Variants in IRF6 observed in about 807,000 individuals in gnomAD.
IRF6 encodes Van der Woude syndrome.
A neutral mutation model predicts 51.4 loss-of-function variants in IRF6; 6 were observed. The ratio of observed to expected loss-of-function variants is 0.12; its 90% CI spans 0.06 to 0.23. The LOEUF is 0.23. Ranked by LOEUF, IRF6 falls within the 10% of genes least tolerant of loss-of-function variation. The pLI is 1.00. For missense variants in IRF6, 348 were observed against 585.2 expected, an observed-to-expected ratio of 0.59 and a Z score of 4.18; for synonymous variants, 178 against 215.7, an observed-to-expected ratio of 0.83 and a Z score of 1.53.
chr1:209,801,510 C>T lies in IRF6; in HGVS notation c.-3-94G>A, dbSNP rs1430768942. The T allele has an allele frequency of 7.1e-6, 7 of 983,928 alleles. No individual in the cohort carries two copies. In the Admixed American group the frequency reaches 1.2e-4, roughly 17 times the overall value. 60.9% of individuals were successfully genotyped at this position (983,928 alleles called of 1,614,324 possible). ...CCACCTTTCCCATCTACTAGAGCTA[C>T]AGTTTCACTAGATTACAGCAAAGAA... On this transcript the variant is annotated intron_variant, in intron 2 of 8. Coordinates refer to ENST00000367021, the MANE Select transcript of IRF6 (RefSeq NM_006147.4).
At chr1:209,799,463 A>T (rs534548240) in intron 3 of IRF6, among the ~76,000 whole-genome samples, 2 of 152,180 alleles carry the variant, frequency 1.3e-5, no homozygotes, top group Non-Finnish European at 2.9e-5. Context: ...GGACACAGAC[A>T]CCCATTTAAT....
intron 1 of IRF6, among the ~76,000 whole-genome samples, chr1:209,802,571 G>A (rs1193657920): frequency 3.3e-5 from 5 of 152,284 alleles, no homozygotes. Context: ...ACAAATATTT[G>A]TTCATCAGCT....
At chr1:209,793,604 G>A (rs2077882374) in intron 5 of IRF6, among the ~76,000 whole-genome samples, 1 of 152,184 alleles carries the variant, frequency 6.6e-6, no homozygotes, top group African/African-American at 2.4e-5. Flanking sequence ...GGATACATGT[G>A]CAGGTTTGTT....
intron 3 of IRF6, among the ~76,000 whole-genome samples, chr1:209,797,888 G>C (rs2077913918): frequency 6.6e-6 from 1 of 152,162 alleles, no homozygotes; most frequent in African/African-American, 2.4e-5. Flanking sequence ...GACAGCTCAA[G>C]ACAGGAAGCA....
Position 209,786,288 on chromosome 1 carries a change from C to CAT in IRF6, c.*2131_*2132insAT, listed in dbSNP as rs971960123. On this transcript the variant is annotated 3_prime_UTR_variant, in exon 9 of 9. Coordinates refer to ENST00000367021, the MANE Select transcript of IRF6 (RefSeq NM_006147.4). ...ACCGGGGTATCTAGTTAAGACCTCA[C>CAT]AAATCACTCATCCATTCCTCTGACA... 6.6e-6 allele frequency: 1 copy of CAT among 152,254 alleles called. No homozygotes were observed. Among genetic ancestry groups the CAT allele is most frequent in the African/African-American group, 2.4e-5 (1 of 41,470 alleles). The allele number at this position is 152,254 out of a possible 1,614,324, so 9.4% of individuals were successfully genotyped here.
At chr1:209,793,836 C>T (rs2077884267) in intron 5 of IRF6, among the ~76,000 whole-genome samples, 1 of 152,128 alleles carries the variant, frequency 6.6e-6, no homozygotes. Context: ...TTTTCTGTTC[C>T]TGTGTTTTAG....
chr1:209,791,381 A>T (rs1240540553), intron 6 of IRF6, among the ~76,000 whole-genome samples: 1 of 152,230 alleles, frequency 6.6e-6, no homozygotes, highest in African/African-American at 2.4e-5. Context: ...CACAGTTCAC[A>T]TCAAAGTTAA....
chr1:209,792,745 G>T, intron 5 of IRF6: 1 of 364,326 alleles, frequency 2.7e-6, no homozygotes, highest in Non-Finnish European at 5.1e-6. Flanking sequence ...TGTAAAATTT[G>T]GCCCCAGCAA....
chr1:209,793,768 T>A (rs2077883753), intron 5 of IRF6, among the ~76,000 whole-genome samples: 2 of 152,206 alleles, frequency 1.3e-5, no homozygotes, highest in Admixed American at 1.3e-4. Context: ...CCCTTCTTTG[T>A]GTCCATGTGT....
intron 1 of IRF6, among the ~76,000 whole-genome samples, chr1:209,803,023 C>T (rs1271921327): frequency 6.6e-6 from 1 of 152,202 alleles, no homozygotes; most frequent in Non-Finnish European, 1.5e-5. Flanking sequence ...AAACCTTCCC[C>T]CTGGGAGCAT....
intron 6 of IRF6, among the ~76,000 whole-genome samples, chr1:209,791,323 G>A (rs2077867844): frequency 6.6e-6 from 1 of 152,206 alleles, no homozygotes; most frequent in South Asian, 2.1e-4. Context: ...AAAATGACAT[G>A]TGAACACACA....
At chr1:209,801,460 G>T in intron 2 of IRF6, 44 bp from the exon 3 acceptor site, 1 of 1,476,700 alleles carries the variant, frequency 6.8e-7, no homozygotes, top group Non-Finnish European at 9.1e-7. Flanking sequence ...GAAGAATTAG[G>T]CCAGCCACTG....
chr1:209,796,862 T>C lies in IRF6; in HGVS notation c.175-310A>G, dbSNP rs926384792. 6.6e-6 allele frequency among the ~76,000 whole-genome samples: 1 copy of C among 152,230 alleles called. No individual in the cohort carries two copies. Among genetic ancestry groups the C allele is most frequent in the African/African-American group, 2.4e-5 (1 of 41,472 alleles). Reference sequence around the variant, plus strand: ...GGCACTCATCAAGACGACAATGCTCTAATGAAGGGCTGAAGATAAAGCCTG... The same window carrying C: ...GGCACTCATCAAGACGACAATGCTCCAATGAAGGGCTGAAGATAAAGCCTG... On this transcript the variant is annotated intron_variant, in intron 3 of 8. Transcript: ENST00000367021. This position sits in a 1 kb window ranked among gnomAD's most constrained non-coding sequence, Gnocchi z 4.5.
rs1425877931 is a variant in IRF6 at position 209,796,374 on chromosome 1, T to C, written c.353A>G (p.Gln118Arg). 1.2e-6 allele frequency: 2 copies of C among 1,614,012 alleles called. No individual in the cohort carries two copies. Among genetic ancestry groups the C allele is most frequent in the African/African-American group, 2.7e-5 (2 of 74,944 alleles). The change falls in exon 4 of 9, where the codon CAG becomes CGG. Residue 118 changes from glutamine to arginine, a missense_variant. By Grantham distance (43) the Gln-to-Arg change is conservative (BLOSUM62 1). Transcript: ENST00000367021. The surrounding 1 kb of genome is among the most constrained non-coding windows in gnomAD (Gnocchi z 4.5). ...VKIYQVCDIPQPQGSIINPGS... is the reference protein window; with the variant it reads ...VKIYQVCDIPRPQGSIINPGS... ...TGGGTTAATGATCGAGCCCTGGGGCTGAGGGATGTCACACACTTGATATAT... is the reference window on the plus strand; with the variant it reads ...TGGGTTAATGATCGAGCCCTGGGGCCGAGGGATGTCACACACTTGATATAT...
chr1:209,799,293 G>A (rs906547959), intron 3 of IRF6, among the ~76,000 whole-genome samples: 1 of 152,070 alleles, frequency 6.6e-6, no homozygotes, highest in Non-Finnish European at 1.5e-5. Context: ...TGGGGGGTGG[G>A]ATGCAGACAG....
chr1:209,790,842 C>T lies in IRF6; in HGVS notation c.713G>A (p.Gly238Glu). 6.2e-7 allele frequency: 1 copy of T among 1,613,478 alleles called. No homozygotes were observed. The highest frequency in any genetic ancestry group is 8.5e-7 in the Non-Finnish European group (1 of 1,180,034). ...IKFQYRGKEYGQTMTVSNPQG... is the reference protein window; with the variant it reads ...IKFQYRGKEYEQTMTVSNPQG... Reference sequence around the variant, plus strand: ...AGGGTTGCTCACGGTCATGGTCTGCCCGTACTCCTTCCCACGGTACTGAAA... The same window carrying T: ...AGGGTTGCTCACGGTCATGGTCTGCTCGTACTCCTTCCCACGGTACTGAAA... Residue 238 changes from glycine to glutamate, a missense_variant, in exon 7 of 9, where the codon GGG becomes GAG. Physicochemically the swap from Gly to Glu is moderately conservative, Grantham distance 98 (BLOSUM62 -2). This residue lies in a region of IRF6 where 125 missense variants were observed against 222.0 expected (regional missense o/e 0.56). Transcript: ENST00000367021. This position sits in a 1 kb window ranked among gnomAD's most constrained non-coding sequence, Gnocchi z 4.8.
chr1:209,789,785 T>G lies in IRF6; in HGVS notation c.1061A>C (p.Asp354Ala), dbSNP rs1330215471. ...CTGTCCTTTCTGGTGGGCAATGAGA[T>G]CTGCAGAAAGTGGAAGAGCAAGTTT... is the stretch of plus-strand genomic sequence containing the variant. ...KLFCLETFLS[D>A]LIAHQKGQIE... The change falls in exon 8 of 9, where the codon GAT becomes GCT. Residue 354 changes from aspartate to alanine, a missense_variant and splice_region_variant. Physicochemically the swap from Asp to Ala is moderately radical, Grantham distance 126. Around this residue, in one of 5 missense-constraint regions of IRF6, gnomAD observed 125 missense variants for 222.0 expected, o/e 0.56. Transcript: ENST00000367021. 3 of 1,610,064 alleles carry G rather than the reference T, an allele frequency of 1.9e-6. No homozygotes were observed. Among genetic ancestry groups the G allele is most frequent in the Non-Finnish European group, 2.5e-6 (3 of 1,176,666 alleles).
At chr1:209,789,458 A>G (rs2077855584) in intron 8 of IRF6, among the ~76,000 whole-genome samples, 1 of 152,002 alleles carries the variant, frequency 6.6e-6, no homozygotes, top group Non-Finnish European at 1.5e-5. Context: ...AGAATGAAAG[A>G]TAAGATCTCC....
intron 1 of IRF6, among the ~76,000 whole-genome samples, chr1:209,803,930 C>G (rs2077958898): frequency 1.3e-5 from 2 of 152,020 alleles, no homozygotes; most frequent in African/African-American, 4.8e-5. Context: ...TGTAACACAG[C>G]ATATACTTGC....
Sources: allele counts gnomAD v4.1 joint callset (sites outside exome capture counted in the v4.1 genomes callset), GRCh38; gene constraint gnomAD v4.1.1; regional missense constraint gnomAD v4.1.1; non-coding constraint Gnocchi (gnomAD v3.1); transcripts MANE v1.5; gene names NCBI Gene and HGNC (gene_info 2026-07-23, HGNC 2026-07-21).